AKAP13: variants seen among roughly 807,000 people sequenced by gnomAD.
The protein encoded by AKAP13 is A-kinase anchor protein 13.
A neutral mutation model predicts 264.5 loss-of-function variants in AKAP13; 80 were observed. The observed-to-expected ratio is 0.30, with a 90% CI of 0.25 to 0.36. The LOEUF (loss-of-function observed/expected upper bound fraction) is 0.36, where lower values mean the gene tolerates loss of function less well. AKAP13 is among the 10% of genes least tolerant of loss of function. The pLI, the probability that AKAP13 is intolerant of heterozygous loss-of-function variation, is 1.00. For missense variants in AKAP13, 3,712 were observed against 3,435.2 expected (o/e 1.08, Z -2.01); for synonymous variants, 1,380 against 1,250.2 (o/e 1.10, Z -2.19).
intron 8 of AKAP13, among the ~76,000 whole-genome samples, chr15:85,627,884 G>A (rs338498): frequency 0.062 from 9,459 of 152,154 alleles, 624 homozygotes; most frequent in East Asian, 0.36. Flanking sequence ...TGCTTTTTTC[G>A]TATAGCTAGA....
intron 2 of AKAP13, 139 bp from the exon 3 acceptor site, chr15:85,521,289 A>T (rs1275645765): frequency 1.0e-6 from 1 of 991,434 alleles, no homozygotes; most frequent in Non-Finnish European, 1.5e-6. Flanking sequence ...CTCAATCTTT[A>T]TACTTGTTTC....
At chr15:85,544,753 A>G (rs185935355) in intron 5 of AKAP13, among the ~76,000 whole-genome samples, 104 of 152,344 alleles carry the variant, frequency 6.8e-4, no homozygotes, top group Non-Finnish European at 1.1e-3. Context: ...TTTTGTGGTT[A>G]TCATCATTAT....
rs2079113416 is a variant in AKAP13 at position 85,579,432 on chromosome 15, G to A, written c.1364G>A (p.Gly455Asp). Residue 455 changes from glycine to aspartate, a missense_variant, in exon 7 of 37, where the codon GGC becomes GAC. This residue lies in a region of AKAP13 where 2,759 missense variants were observed against 2,411.7 expected (regional missense o/e 1.14). Coordinates refer to ENST00000394518, the MANE Select transcript of AKAP13 (RefSeq NM_007200.5). ...VLQRDLVMEP[G>D]TAQYSSGGEL... ...CAGAGAGACTTGGTCATGGAGCCAG[G>A]CACAGCCCAGTATTCCTCTGGAGGT... The A allele has an allele frequency of 6.2e-7, 1 of 1,614,016 alleles. No homozygotes were observed. Among genetic ancestry groups the A allele is most frequent in the African/African-American group, 1.3e-5 (1 of 74,898 alleles).
At chr15:85,618,824 TC>T (rs1393635695) in intron 8 of AKAP13, among the ~76,000 whole-genome samples, 1 of 152,194 alleles carries the variant, frequency 6.6e-6, no homozygotes, top group Non-Finnish European at 1.5e-5. Flanking sequence ...ATCAACTCCA[TC>T]ATCCCTTCTC....
chr15:85,580,982 T>C lies in AKAP13; in HGVS notation c.2914T>C (p.Cys972Arg), dbSNP rs997036828. The C allele has an allele frequency of 1.9e-5, 31 of 1,613,982 alleles. No individual in the cohort carries two copies. Among genetic ancestry groups the C allele is most frequent in the Non-Finnish European group, 2.6e-5 (31 of 1,180,014 alleles). Residue 972 changes from cysteine (C) to arginine (R), a missense_variant, in exon 7 of 37, where the codon TGT becomes CGT. Around this residue, in one of 3 missense-constraint regions of AKAP13, gnomAD observed 2,759 missense variants for 2,411.7 expected, o/e 1.14. Transcript: ENST00000394518. ...QFHEKSISAD[C>R]AKDKALQLSN... is the part of the protein sequence containing the mutation. Reference sequence around the variant, plus strand: ...TCATGAAAAATCAATCTCAGCTGACTGTGCCAAGGACAAAGCACTTCAGCT... The same window carrying C: ...TCATGAAAAATCAATCTCAGCTGACCGTGCCAAGGACAAAGCACTTCAGCT...
At chr15:85,591,994 T>A (rs999285941) in intron 8 of AKAP13, among the ~76,000 whole-genome samples, 2 of 151,882 alleles carry the variant, frequency 1.3e-5, no homozygotes, top group African/African-American at 4.8e-5. Flanking sequence ...ATCTACTCTT[T>A]ATTTAACATA....
chr15:85,444,067 T>TG (rs1403627179), intron 1 of AKAP13, among the ~76,000 whole-genome samples: 3 of 152,196 alleles, frequency 2.0e-5, no homozygotes, highest in African/African-American at 7.2e-5. Flanking sequence ...GGCTAAGGCT[T>TG]GGGGCTATAA....
At chr15:85,603,074 C>T (rs2080163920) in intron 8 of AKAP13, among the ~76,000 whole-genome samples, 1 of 152,072 alleles carries the variant, frequency 6.6e-6, no homozygotes, top group African/African-American at 2.4e-5. Context: ...CAGTTGTTTC[C>T]CTTGAGAAGC....
intron 1 of AKAP13, among the ~76,000 whole-genome samples, chr15:85,410,955 A>G (rs2071933206): frequency 6.7e-6 from 1 of 148,502 alleles, no homozygotes; most frequent in African/African-American, 2.6e-5. Context: ...TGTACTCTAT[A>G]CAGGTTCTAC....
At position 85,579,960 on chromosome 15, in the gene AKAP13, C is replaced by T; in HGVS notation, c.1892C>T (p.Pro631Leu). 2 of 1,614,176 alleles carry T rather than the reference C, an allele frequency of 1.2e-6. No individual in the cohort carries two copies. Among genetic ancestry groups the T allele is most frequent in the South Asian group, 1.1e-5 (1 of 91,082 alleles). Reference protein sequence around the residue: ...ALLGLEEDVMPHQNSETNSSH... With the variant: ...ALLGLEEDVMLHQNSETNSSH... ...CTTGGGCTGGAAGAAGATGTAATGCCACACCAGAACTCAGAAACAAATTCA... is the reference window on the plus strand; with the variant it reads ...CTTGGGCTGGAAGAAGATGTAATGCTACACCAGAACTCAGAAACAAATTCA... Residue 631 changes from proline to leucine, a missense_variant, in exon 7 of 37, where the codon CCA (proline) becomes CTA (leucine). Physicochemically the swap from Pro to Leu is moderately conservative, Grantham distance 98 (BLOSUM62 -3). Around this residue, in one of 3 missense-constraint regions of AKAP13, gnomAD observed 2,759 missense variants for 2,411.7 expected, o/e 1.14. Transcript: ENST00000394518.
At chr15:85,548,223 TG>T (rs2077823575) in intron 5 of AKAP13, among the ~76,000 whole-genome samples, 1 of 152,218 alleles carries the variant, frequency 6.6e-6, no homozygotes, top group African/African-American at 2.4e-5. Flanking sequence ...GTTTGCATTT[TG>T]GCTCTGCCAT....
chr15:85,634,603 A>C (rs2081995931), intron 8 of AKAP13, among the ~76,000 whole-genome samples: 1 of 152,212 alleles, frequency 6.6e-6, no homozygotes, highest in Admixed American at 6.5e-5. Flanking sequence ...CCATACAACA[A>C]AATTAACCAA....
chr15:85,505,614 C>T (rs182604555), intron 2 of AKAP13, among the ~76,000 whole-genome samples: 1 of 151,914 alleles, frequency 6.6e-6, no homozygotes, highest in Non-Finnish European at 1.5e-5. Flanking sequence ...AAGTCTTTAT[C>T]TGGAATGACT....
intron 2 of AKAP13, among the ~76,000 whole-genome samples, chr15:85,508,540 CG>C (rs2151113221): frequency 6.6e-6 from 1 of 152,116 alleles, no homozygotes; most frequent in South Asian, 2.1e-4. Flanking sequence ...AGTCCTCTAT[CG>C]TGTTTCATCT....
intron 1 of AKAP13, among the ~76,000 whole-genome samples, chr15:85,483,591 A>G (rs576091607): frequency 7.1e-6 from 1 of 140,992 alleles, no homozygotes. Context: ...GCGCCACTGC[A>G]GTCCGCAGTC....
At chr15:85,594,339 A>G (rs1275849067) in intron 8 of AKAP13, among the ~76,000 whole-genome samples, 2 of 152,258 alleles carry the variant, frequency 1.3e-5, no homozygotes, top group African/African-American at 4.8e-5. Flanking sequence ...TCTAGTAGGA[A>G]AGGCAATTAT....
rs1358883265 is a variant in AKAP13, at chr15:85,533,556, TTTTA to T, written c.182-24_182-21del. 6 of 1,575,306 alleles carry T rather than the reference TTTTA, an allele frequency of 3.8e-6. No individual in the cohort carries two copies. The East Asian group carries it at 1.3e-4, about 35-fold the overall frequency. ...TTTCAGCAGTGAGGCTCTAATACTG[TTTTA>T]TTTGCTGCCTGTGTTTCCTTTAGGT... is the stretch of plus-strand genomic sequence containing the variant. On this transcript the variant is annotated intron_variant, in intron 3 of 36. Coordinates refer to ENST00000394518, the MANE Select transcript of AKAP13 (RefSeq NM_007200.5).
At chr15:85,573,779 A>G (rs1415116810) in intron 5 of AKAP13, among the ~76,000 whole-genome samples, 1 of 141,360 alleles carries the variant, frequency 7.1e-6, no homozygotes, top group Admixed American at 6.8e-5. Flanking sequence ...TTCTGATACA[A>G]GTAGAAAAAT....
At position 85,746,110 on chromosome 15, in the gene AKAP13, A is replaced by T. The variant is rs1266252413; in HGVS notation, c.*1433A>T. On this transcript the variant is annotated 3_prime_UTR_variant, in exon 37 of 37. Coordinates refer to ENST00000394518, the MANE Select transcript of AKAP13 (RefSeq NM_007200.5). ...ATTTTGTGCTTCCAACGTGGCCTTCAATTCTTGCTTTTTTGCCCCTCGGAA... is the reference window on the plus strand; with the variant it reads ...ATTTTGTGCTTCCAACGTGGCCTTCTATTCTTGCTTTTTTGCCCCTCGGAA... The T allele has an allele frequency of 6.6e-6, 1 of 152,460 alleles. No individual in the cohort carries two copies. The highest frequency in any genetic ancestry group is 1.5e-5 in the Non-Finnish European group (1 of 68,032). The allele number at this position is 152,460 out of a possible 1,614,324, so 9.4% of individuals were successfully genotyped here.
Sources: gnomAD v4.1 joint callset for allele counts (sites outside exome capture counted in the v4.1 genomes callset) on GRCh38, gnomAD v4.1.1 for gene constraint, gnomAD v4.1.1 regional missense constraint, MANE v1.5 for transcripts, NCBI Gene and HGNC (gene_info 2026-07-23, HGNC 2026-07-21) for gene names.